TMCC1: variants seen among roughly 807,000 people sequenced by gnomAD.
The protein encoded by TMCC1 is transmembrane and coiled-coil domains protein 1.
A neutral mutation model predicts 52.4 loss-of-function variants in TMCC1; 15 were observed. That is an observed-to-expected ratio of 0.29 (90% CI 0.19 to 0.44). TMCC1 has a LOEUF of 0.44. TMCC1 is among the 20% of genes least tolerant of loss of function. The pLI is 1.00. For missense variants in TMCC1, 503 were observed against 806.0 expected, an observed-to-expected ratio of 0.62 and a Z score of 4.55; for synonymous variants, 279 against 301.9, an observed-to-expected ratio of 0.92 and a Z score of 0.79.
At chr3:129,810,259 G>A (rs1042023028) in intron 4 of TMCC1, among the ~76,000 whole-genome samples, 4 of 152,152 alleles carry the variant, frequency 2.6e-5, no homozygotes, top group Non-Finnish European at 5.9e-5. Flanking sequence ...TAGGGAGGCT[G>A]AGGTGGGAGA....
At chr3:129,765,136 T>TA (rs1560368683) in intron 4 of TMCC1, among the ~76,000 whole-genome samples, 80 of 77,766 alleles carry the variant, frequency 1.0e-3, no homozygotes, top group African/African-American at 2.1e-3. Flanking sequence ...TTTCAAATAC[T>TA]CAAAAAAAAA....
At chr3:129,725,887 T>C (rs2050037218) in intron 4 of TMCC1, among the ~76,000 whole-genome samples, 1 of 152,190 alleles carries the variant, frequency 6.6e-6, no homozygotes, top group South Asian at 2.1e-4. Context: ...AAACAGTCCT[T>C]TGGAGTATGG....
intron 4 of TMCC1, among the ~76,000 whole-genome samples, chr3:129,750,357 A>G (rs568374072): frequency 2.8e-4 from 43 of 150,964 alleles, no homozygotes; most frequent in Admixed American, 1.1e-3. Context: ...CGCCTGGCTA[A>G]TTTTTTCTAT....
intron 2 of TMCC1, among the ~76,000 whole-genome samples, chr3:129,845,052 G>A (rs1341259251): frequency 6.6e-6 from 1 of 152,070 alleles, no homozygotes; most frequent in Admixed American, 6.6e-5. Flanking sequence ...AGGTGGGTGT[G>A]GTGGTGTATC....
chr3:129,762,478 C>T (rs1471489706), intron 4 of TMCC1, among the ~76,000 whole-genome samples: 1 of 152,172 alleles, frequency 6.6e-6, no homozygotes, highest in Non-Finnish European at 1.5e-5. Context: ...TTCCTCTTCT[C>T]ACTTTTTCTC....
At chr3:129,743,964 T>C (rs1483483630) in intron 4 of TMCC1, among the ~76,000 whole-genome samples, 1 of 151,902 alleles carries the variant, frequency 6.6e-6, no homozygotes, top group Non-Finnish European at 1.5e-5. Flanking sequence ...ACAGTCATAA[T>C]AGTATCTAAT....
intron 2 of TMCC1, among the ~76,000 whole-genome samples, chr3:129,872,621 T>C (rs1489748372): frequency 6.6e-6 from 1 of 152,122 alleles, no homozygotes; most frequent in African/African-American, 2.4e-5. Context: ...TTGAATGCAG[T>C]TGGTTGTGCT....
intron 4 of TMCC1, among the ~76,000 whole-genome samples, chr3:129,801,255 T>A (rs1231439516): frequency 6.6e-6 from 1 of 151,962 alleles, no homozygotes. Flanking sequence ...CCAACCAGTA[T>A]CATACTACCC....
At chr3:129,777,113 G>A (rs764872762) in intron 4 of TMCC1, among the ~76,000 whole-genome samples, 63 of 152,150 alleles carry the variant, frequency 4.1e-4, no homozygotes, top group Non-Finnish European at 7.4e-4. Flanking sequence ...TCAAAGAGTG[G>A]TATAATCTTC....
At chr3:129,664,307 C>G (rs1347236670) in intron 5 of TMCC1, among the ~76,000 whole-genome samples, 1 of 152,146 alleles carries the variant, frequency 6.6e-6, no homozygotes, top group Non-Finnish European at 1.5e-5. Flanking sequence ...GAGCATACAT[C>G]TGAGCATACA....
intron 2 of TMCC1, among the ~76,000 whole-genome samples, chr3:129,838,458 C>G (rs182810130): frequency 1.2e-3 from 179 of 150,880 alleles, no homozygotes; most frequent in African/African-American, 3.7e-3. Context: ...AAATGCCAAA[C>G]AATACCAAAA....
At chr3:129,770,473 G>A (rs1465351749) in intron 4 of TMCC1, among the ~76,000 whole-genome samples, 1 of 152,122 alleles carries the variant, frequency 6.6e-6, no homozygotes. Flanking sequence ...AGTTACTCAG[G>A]AGTCTGAGAC....
chr3:129,759,494 C>T (rs1263387496), intron 4 of TMCC1, among the ~76,000 whole-genome samples: 1 of 151,518 alleles, frequency 6.6e-6, no homozygotes, highest in Non-Finnish European at 1.5e-5. Flanking sequence ...TCTCGAACTC[C>T]TTACCTCAGA....
intron 4 of TMCC1, among the ~76,000 whole-genome samples, chr3:129,785,306 C>T (rs2055912668): frequency 6.6e-6 from 1 of 152,098 alleles, no homozygotes; most frequent in Non-Finnish European, 1.5e-5. Flanking sequence ...TCATGACCCC[C>T]AATTACCATG....
At chr3:129,781,146 A>T (rs2055491021) in intron 4 of TMCC1, among the ~76,000 whole-genome samples, 2 of 152,106 alleles carry the variant, frequency 1.3e-5, no homozygotes, top group South Asian at 4.1e-4. Context: ...GTTTTCTAAC[A>T]CTTATCTAAA....
rs558939064 is a variant in TMCC1, at chr3:129,728,281, G to GT, written c.577-57018dup. 7.9e-5 allele frequency among the ~76,000 whole-genome samples: 12 copies of GT among 152,110 alleles called. No homozygotes were observed. In the East Asian group the frequency reaches 1.3e-3, roughly 17 times the overall value. ...ATAAATTGTCACTTTAAGCTACAAAGTTTTTTTTGTTGTTGTTGTTCTGAG... is the reference window on the plus strand; with the variant it reads ...ATAAATTGTCACTTTAAGCTACAAAGTTTTTTTTTGTTGTTGTTGTTCTGAG... On this transcript the variant is annotated intron_variant, in intron 4 of 6. Transcript: ENST00000393238.
intron 2 of TMCC1, among the ~76,000 whole-genome samples, chr3:129,878,851 T>C (rs1459574152): frequency 6.6e-6 from 1 of 152,178 alleles, no homozygotes; most frequent in African/African-American, 2.4e-5. Flanking sequence ...CATTGAAGTT[T>C]GAAAAGCACT....
At chr3:129,740,426 G>A (rs900236974) in intron 4 of TMCC1, among the ~76,000 whole-genome samples, 2 of 152,122 alleles carry the variant, frequency 1.3e-5, no homozygotes, top group Non-Finnish European at 2.9e-5. Flanking sequence ...AAAAGGCAAT[G>A]GCATAGGATA....
chr3:129,665,955 C>G (rs1458795503), intron 5 of TMCC1, among the ~76,000 whole-genome samples: 1 of 152,182 alleles, frequency 6.6e-6, no homozygotes, highest in East Asian at 1.9e-4. Flanking sequence ...TTGTCACCAT[C>G]ATCATCAAAT....
Sources: allele counts gnomAD v4.1 joint callset (sites outside exome capture counted in the v4.1 genomes callset), GRCh38; gene constraint gnomAD v4.1.1; transcripts MANE v1.5; gene names NCBI Gene and HGNC (gene_info 2026-07-23, HGNC 2026-07-21).